Variants in CADM2 observed in about 807,000 individuals in gnomAD.
The protein encoded by CADM2 is cell adhesion molecule 2.
A neutral mutation model predicts 49.8 loss-of-function variants in CADM2; 12 were observed. The observed-to-expected ratio is 0.24, with a 90% CI of 0.15 to 0.39. The LOEUF is 0.39. Ranked by LOEUF, CADM2 falls within the 10% of genes least tolerant of loss-of-function variation. CADM2 has a pLI of 1.00. For synonymous variants in CADM2, 214 were observed against 175.4 expected, an observed-to-expected ratio of 1.22 and a Z score of -1.74; for missense variants, 378 against 492.3, an observed-to-expected ratio of 0.77 and a Z score of 2.20.
At chr3:85,784,933 G>A (rs2070889832) in intron 2 of CADM2, among the ~76,000 whole-genome samples, 1 of 152,104 alleles carries the variant, frequency 6.6e-6, no homozygotes, top group Non-Finnish European at 1.5e-5. Flanking sequence ...TTCTACAGGA[G>A]ACTTTTTATT....
chr3:85,027,146 G>A (rs2034769671), intron 1 of CADM2, among the ~76,000 whole-genome samples: 1 of 95,738 alleles, frequency 1.0e-5, no homozygotes, highest in South Asian at 3.4e-4. Flanking sequence ...ACGGAGTCTC[G>A]CTCTTTCACC....
chr3:85,770,895 G>A (rs2070049759), intron 2 of CADM2, among the ~76,000 whole-genome samples: 1 of 152,114 alleles, frequency 6.6e-6, no homozygotes, highest in Non-Finnish European at 1.5e-5. Flanking sequence ...TCAAAGGGCA[G>A]ATATACAATA....
At chr3:85,424,085 A>G (rs1168379962) in intron 1 of CADM2, among the ~76,000 whole-genome samples, 1 of 152,130 alleles carries the variant, frequency 6.6e-6, no homozygotes, top group African/African-American at 2.4e-5. Context: ...TTGAAGGTGT[A>G]AAATATTGCC....
chr3:85,563,654 G>A (rs1461114177), intron 1 of CADM2, among the ~76,000 whole-genome samples: 1 of 152,052 alleles, frequency 6.6e-6, no homozygotes, highest in Non-Finnish European at 1.5e-5. Context: ...AAAGGGAGCG[G>A]AATTCCAAGA....
At chr3:85,861,993 C>T (rs2075554491) in intron 3 of CADM2, among the ~76,000 whole-genome samples, 1 of 152,090 alleles carries the variant, frequency 6.6e-6, no homozygotes, top group South Asian at 2.1e-4. Context: ...ATTCAATCTA[C>T]TCCATGCTAC....
intron 1 of CADM2, among the ~76,000 whole-genome samples, chr3:85,169,749 G>T (rs2040570163): frequency 6.6e-6 from 1 of 152,048 alleles, no homozygotes; most frequent in Non-Finnish European, 1.5e-5. Context: ...CCAGCATGGC[G>T]ACAGAGCGAG....
At chr3:85,668,003 A>T (rs554423451) in intron 1 of CADM2, among the ~76,000 whole-genome samples, 1 of 152,200 alleles carries the variant, frequency 6.6e-6, no homozygotes, top group South Asian at 2.1e-4. Flanking sequence ...AATACATATT[A>T]ACATTGTTGA....
At chr3:85,839,331 GA>G in intron 3 of CADM2, among the ~76,000 whole-genome samples, 1 of 151,616 alleles carries the variant, frequency 6.6e-6, no homozygotes, top group Non-Finnish European at 1.5e-5. Context: ...TGAAATATAT[GA>G]AAATTCCTAT....
chr3:85,711,905 C>T (rs1452946190), intron 1 of CADM2, among the ~76,000 whole-genome samples: 2 of 152,032 alleles, frequency 1.3e-5, no homozygotes, highest in Admixed American at 1.3e-4. Flanking sequence ...ACATAATGAT[C>T]ACCAGTTGAG....
rs1559791890 is a variant in CADM2 at position 85,999,272 on chromosome 3, G to GGA, written c.970+37626_970+37627insAG. ...CCATCACTTTGGGAGGCCGAGGGTT[G>GGA]GGGGGTGGATCACTTGAGTTCAGGA... On this transcript the variant is annotated intron_variant, in intron 8 of 9. Transcript: ENST00000383699. 7.0e-4 allele frequency among the ~76,000 whole-genome samples: 101 copies of GGA among 145,026 alleles called. 1 individual carries two copies. The highest frequency in any genetic ancestry group is 2.1e-3 in the African/African-American group (85 of 39,704).
intron 3 of CADM2, among the ~76,000 whole-genome samples, chr3:85,846,789 G>T (rs1226793057): frequency 6.6e-6 from 1 of 152,110 alleles, no homozygotes; most frequent in Non-Finnish European, 1.5e-5. Context: ...TTGAGCCCAG[G>T]AGTTCAAGTC....
chr3:85,495,628 G>A (rs1018584951), intron 1 of CADM2, among the ~76,000 whole-genome samples: 2 of 152,044 alleles, frequency 1.3e-5, no homozygotes, highest in Non-Finnish European at 2.9e-5. Context: ...GGCCAAGAAT[G>A]GTTCTGGTTC....
In CADM2 at chr3:85,326,519, G is replaced by A. The variant is rs556974263; in HGVS notation, c.61+366851G>A. ...CACAGTATAGATTAAATCTATAAAC[G>A]TATGTATTTTTTCAAAATGTTCAAT... On this transcript the variant is annotated intron_variant, in intron 1 of 9. Transcript: ENST00000383699. 6.1e-4 allele frequency among the ~76,000 whole-genome samples: 93 copies of A among 151,640 alleles called. 1 individual carries two copies. The Middle Eastern group carries it at 0.024, about 39-fold the overall frequency.
chr3:85,971,608 A>C (rs1253278247), intron 8 of CADM2, among the ~76,000 whole-genome samples: 2 of 151,744 alleles, frequency 1.3e-5, no homozygotes, highest in African/African-American at 4.8e-5. Context: ...GTATTGGACC[A>C]AATCATGTGA....
intron 1 of CADM2, among the ~76,000 whole-genome samples, chr3:84,988,833 T>C (rs2032731691): frequency 6.6e-6 from 1 of 152,196 alleles, no homozygotes; most frequent in Admixed American, 6.5e-5. Context: ...ATAAACTGTT[T>C]ATTTACTTAA....
At chr3:85,867,425 ATTATT>A (rs1205235620) in intron 3 of CADM2, among the ~76,000 whole-genome samples, 1 of 152,056 alleles carries the variant, frequency 6.6e-6, no homozygotes, top group Non-Finnish European at 1.5e-5. Context: ...TTGATTGTAT[ATTATT>A]TTATCGTGGA....
At chr3:85,013,062 C>T (rs979643880) in intron 1 of CADM2, among the ~76,000 whole-genome samples, 5 of 150,198 alleles carry the variant, frequency 3.3e-5, no homozygotes, top group African/African-American at 1.2e-4. Context: ...TTAACTTACA[C>T]ATAACACTTA....
intron 3 of CADM2, among the ~76,000 whole-genome samples, chr3:85,857,375 C>G (rs2075357616): frequency 6.6e-6 from 1 of 152,074 alleles, no homozygotes; most frequent in Admixed American, 6.5e-5. Flanking sequence ...CCCAATAGCC[C>G]TAGGAAATAC....
intron 7 of CADM2, among the ~76,000 whole-genome samples, chr3:85,951,192 A>G (rs749064257): frequency 9.9e-5 from 15 of 151,134 alleles, no homozygotes; most frequent in Non-Finnish European, 1.8e-4. Context: ...AAGAAACTGA[A>G]GAACATATCC....
Sources: allele counts gnomAD v4.1 joint callset (sites outside exome capture counted in the v4.1 genomes callset), GRCh38; gene constraint gnomAD v4.1.1; transcripts MANE v1.5; gene names NCBI Gene and HGNC (gene_info 2026-07-23, HGNC 2026-07-21).